The following NARS1 variants were observed in gnomAD, a reference collection of about 807,000 sequenced individuals.
NARS1 encodes the protein asparaginyl-tRNA synthetase 1.
A neutral mutation model predicts 79.2 loss-of-function variants in NARS1; 65 were observed. The ratio of observed to expected loss-of-function variants is 0.82; its 90% CI spans 0.67 to 1.01. NARS1 has a LOEUF of 1.01. NARS1 is among the 50% of genes least tolerant of loss of function. NARS1 has a pLI of 0.00. For synonymous variants in NARS1, 229 were observed against 238.8 expected (o/e 0.96, Z 0.38); for missense variants, 649 against 673.8 (o/e 0.96, Z 0.41).
At chr18:57,617,326 A>G (rs1197072341) in intron 2 of NARS1, among the ~76,000 whole-genome samples, 2 of 152,048 alleles carry the variant, frequency 1.3e-5, no homozygotes, top group Non-Finnish European at 2.9e-5. Context: ...TAATCCCAGC[A>G]CTTTGTGAGG....
At chr18:57,608,796 G>A (rs1255375877) in intron 7 of NARS1, among the ~76,000 whole-genome samples, 5 of 152,198 alleles carry the variant, frequency 3.3e-5, no homozygotes, top group Non-Finnish European at 7.3e-5. Flanking sequence ...GTATCTGGGT[G>A]TTGCCAGAGA....
At position 57,605,610 on chromosome 18, in the gene NARS1, C is replaced by CAA. The variant is rs11285116; in HGVS notation, c.1251+245_1251+246dup. ...TAGGCGACAGAGCGAGACTCCGTCT[C>CAA]AAAAAAAAAAAAAAAAAAGAAAAAA... is the stretch of plus-strand genomic sequence containing the variant. On this transcript the variant is annotated intron_variant, in intron 11 of 13. Coordinates refer to ENST00000256854, the MANE Select transcript of NARS1 (RefSeq NM_004539.4). Among the ~76,000 whole-genome samples, 122 of 109,468 alleles carry CAA rather than the reference C, an allele frequency of 1.1e-3. 2 individuals are homozygous for CAA. Among genetic ancestry groups the CAA allele is most frequent in the Middle Eastern group, 9.2e-3 (2 of 218 alleles). 71.8% of individuals were successfully genotyped at this position (109,468 alleles called of 152,430 possible).
At chr18:57,611,917 C>G (rs1044077458) in intron 5 of NARS1, among the ~76,000 whole-genome samples, 3 of 151,748 alleles carry the variant, frequency 2.0e-5, no homozygotes, top group African/African-American at 7.3e-5. Context: ...CACATGCCAC[C>G]ACACCTGGCT....
At position 57,621,814 on chromosome 18, in the gene NARS1, G is replaced by A; in HGVS notation, c.-97C>T. The A allele has an allele frequency of 6.3e-7, 1 of 1,594,688 alleles. No individual in the cohort carries two copies. Among genetic ancestry groups the A allele is most frequent in the Non-Finnish European group, 8.5e-7 (1 of 1,173,128 alleles). On this transcript the variant is annotated 5_prime_UTR_variant, in exon 1 of 14. The change creates a new upstream start codon in the 5' untranslated region. Coordinates refer to ENST00000256854, the MANE Select transcript of NARS1 (RefSeq NM_004539.4). Reference sequence around the variant, plus strand: ...CACCGGCGGTTTCCGCGATTCCGGCGTTGCATCAGAGAGCGTAGATCTGAG... The same window carrying A: ...CACCGGCGGTTTCCGCGATTCCGGCATTGCATCAGAGAGCGTAGATCTGAG...
At chr18:57,608,840 C>G (rs570337605) in intron 7 of NARS1, among the ~76,000 whole-genome samples, 9 of 152,314 alleles carry the variant, frequency 5.9e-5, no homozygotes, top group Admixed American at 3.9e-4. Flanking sequence ...CTGGGAGAGG[C>G]AGACCCACCC....
chr18:57,600,978 A>G lies in NARS1; in HGVS notation c.*674T>C, dbSNP rs1449313967. The G allele has an allele frequency of 6.6e-6, 1 of 152,224 alleles. No individual in the cohort carries two copies. The highest frequency in any genetic ancestry group is 2.4e-5 in the African/African-American group (1 of 41,462). The allele number at this position is 152,224 out of a possible 1,614,324, so 9.4% of individuals were successfully genotyped here. ...GCTAAGAGGGATACTGTGAATCACT[A>G]AAAAACTCTCCCCAAAATTATGTTC... On this transcript the variant is annotated 3_prime_UTR_variant, in exon 14 of 14. Transcript: ENST00000256854.
At chr18:57,619,266 ATT>A (rs57667136) in intron 2 of NARS1, among the ~76,000 whole-genome samples, 182 of 123,708 alleles carry the variant, frequency 1.5e-3, no homozygotes, top group East Asian at 0.011. Flanking sequence ...TGCCTGGCTA[ATT>A]TTTTTTTTTT....
chr18:57,602,482 T>A lies in NARS1; in HGVS notation c.1388A>T (p.Asp463Val). 1 of 1,613,788 alleles carries A rather than the reference T, an allele frequency of 6.2e-7. No homozygotes were observed. Among genetic ancestry groups the A allele is most frequent in the Non-Finnish European group, 8.5e-7 (1 of 1,179,794 alleles). ...PEDSRLTESV[D>V]VLMPNVGEIV... ...CTCACCAACATTGGGCATCAACACG[T>A]CGACCTTTAAATATAAGTGAAAGAA... The change falls in exon 13 of 14, where the codon GAC becomes GTC. Residue 463 changes from aspartate (D) to valine (V), a missense_variant. Transcript: ENST00000256854.
In NARS1 at chr18:57,602,439, C is replaced by T; in HGVS notation, c.1431G>A (p.Met477Ile). The change falls in exon 13 of 14, where the codon ATG becomes ATA. Residue 477 changes from methionine (M) to isoleucine (I), a missense_variant. By Grantham distance (10) the Met-to-Ile change is conservative. Coordinates refer to ENST00000256854, the MANE Select transcript of NARS1 (RefSeq NM_004539.4). Reference sequence around the variant, plus strand: ...GTATTTCTTCACTATCAAAGATACGCATTGAGCCTCCCACAATCTCACCAA... The same window carrying T: ...GTATTTCTTCACTATCAAAGATACGTATTGAGCCTCCCACAATCTCACCAA... ...PNVGEIVGGS[M>I]RIFDSEEILA... 2.5e-6 allele frequency: 4 copies of T among 1,613,872 alleles called. No homozygotes were observed. Among genetic ancestry groups the T allele is most frequent in the Non-Finnish European group, 3.4e-6 (4 of 1,179,790 alleles).
chr18:57,602,154 C>T (rs2051512536), intron 13 of NARS1, among the ~76,000 whole-genome samples: 1 of 152,098 alleles, frequency 6.6e-6, no homozygotes, highest in Admixed American at 6.6e-5. Context: ...GGCCGTTAAA[C>T]AGGTTTTCAA....
At chr18:57,606,503 A>G (rs2051558423) in intron 10 of NARS1, 113 bp downstream of exon 10, 2 of 975,238 alleles carry the variant, frequency 2.1e-6, no homozygotes, top group East Asian at 2.5e-5. Flanking sequence ...CAAAATAATT[A>G]GTCACTTATT....
intron 6 of NARS1, 54 bp downstream of exon 6, chr18:57,611,583 A>G: frequency 8.5e-7 from 1 of 1,174,302 alleles, no homozygotes; most frequent in Non-Finnish European, 1.2e-6. Flanking sequence ...AAAACAATAA[A>G]GGAATCTACT....
At chr18:57,618,537 A>G (rs1050327282) in intron 2 of NARS1, among the ~76,000 whole-genome samples, 2 of 152,222 alleles carry the variant, frequency 1.3e-5, no homozygotes, top group African/African-American at 4.8e-5. Flanking sequence ...CGGTGTTGTC[A>G]GTTTTCAGGA....
In NARS1 at chr18:57,607,364, T is replaced by C. The variant is rs763619278; in HGVS notation, c.802-31A>G. The C allele has an allele frequency of 2.4e-5, 38 of 1,611,402 alleles. 1 individual carries two copies. The South Asian group carries it at 3.0e-4, about 13-fold the overall frequency. Reference sequence around the variant, plus strand: ...CAAATGCAAAGAAGGAATAAATCAATGCTATCGTGAGCACCACTATTCAAG... The same window carrying C: ...CAAATGCAAAGAAGGAATAAATCAACGCTATCGTGAGCACCACTATTCAAG... On this transcript the variant is annotated intron_variant, in intron 8 of 13. Coordinates refer to ENST00000256854, the MANE Select transcript of NARS1 (RefSeq NM_004539.4).
At position 57,621,834 on chromosome 18, in the gene NARS1, T is replaced by C. The variant is rs754056225; in HGVS notation, c.-117A>G. On this transcript the variant is annotated 5_prime_UTR_variant, in exon 1 of 14. Coordinates refer to ENST00000256854, the MANE Select transcript of NARS1 (RefSeq NM_004539.4). ...CCGGCGTTGCATCAGAGAGCGTAGA[T>C]CTGAGGGCGCCTGCGAGAATCGGCC... 5.7e-6 allele frequency: 9 copies of C among 1,569,394 alleles called. No individual in the cohort carries two copies. The highest frequency in any genetic ancestry group is 7.7e-6 in the Non-Finnish European group (9 of 1,161,604).
intron 8 of NARS1, 34 bp from the exon 9 acceptor site, chr18:57,607,367 T>C (rs757160988): frequency 1.9e-6 from 3 of 1,610,588 alleles, no homozygotes; most frequent in Admixed American, 1.7e-5. Flanking sequence ...AAATCAATGC[T>C]ATCGTGAGCA....
rs1003620717 is a variant in NARS1, at chr18:57,602,590, A to C, written c.1384-104T>G. ...ATTACAATTAAGCTCCAAGGGCTAA[A>C]GGAGCCACTATGATCATGTAATATT... On this transcript the variant is annotated intron_variant, in intron 12 of 13. Coordinates refer to ENST00000256854, the MANE Select transcript of NARS1 (RefSeq NM_004539.4). The C allele has an allele frequency of 3.7e-6, 5 of 1,340,176 alleles. No individual in the cohort carries two copies. The Admixed American group carries it at 1.1e-4, about 29-fold the overall frequency. 83.0% of individuals were successfully genotyped at this position (1,340,176 alleles called of 1,614,324 possible).
chr18:57,620,388 T>C (rs1166941845), intron 2 of NARS1, among the ~76,000 whole-genome samples, 181 bp downstream of exon 2: 1 of 151,916 alleles, frequency 6.6e-6, no homozygotes, highest in African/African-American at 2.4e-5. Context: ...AAAAGTAAGT[T>C]TAGACTTTGA....
At chr18:57,621,283 G>T (rs1908290896) in intron 1 of NARS1, among the ~76,000 whole-genome samples, 2 of 147,234 alleles carry the variant, frequency 1.4e-5, no homozygotes, top group Admixed American at 6.8e-5. Flanking sequence ...CTACTGCACA[G>T]TATGGTCTCC....
Sources: allele counts gnomAD v4.1 joint callset (sites outside exome capture counted in the v4.1 genomes callset), GRCh38; gene constraint gnomAD v4.1.1; transcripts MANE v1.5; gene names NCBI Gene and HGNC (gene_info 2026-07-23, HGNC 2026-07-21).